Variants in MARCO observed in about 807,000 individuals in gnomAD.
The protein encoded by MARCO is macrophage receptor with collagenous structure.
MARCO carries 72 observed loss-of-function variants against 70.0 expected under a neutral mutation model. The ratio of observed to expected loss-of-function variants is 1.03; its 90% CI spans 0.85 to 1.25. The LOEUF (loss-of-function observed/expected upper bound fraction) is 1.25, where lower values mean the gene tolerates loss of function less well. MARCO is among the 50% of genes most tolerant of loss of function. The probability of loss-of-function intolerance (pLI) is 0.00; values close to 1 mark genes in which losing one functional copy is unlikely to be tolerated. For synonymous variants in MARCO, 273 were observed against 243.1 expected (o/e 1.12, Z -1.14); for missense variants, 696 against 659.3 (o/e 1.06, Z -0.61).
intron 8 of MARCO, among the ~76,000 whole-genome samples, chr2:118,980,442 T>G (rs994520442): frequency 2.0e-5 from 3 of 152,204 alleles, no homozygotes; most frequent in African/African-American, 7.2e-5. Flanking sequence ...GGCTCTCCCT[T>G]CTTCCTCACC....
rs139882762 is a variant in MARCO, at chr2:118,949,118, C to T, written c.97+6721C>T. Among the ~76,000 whole-genome samples, 293 of 152,220 alleles carry T rather than the reference C, an allele frequency of 1.9e-3. 1 individual carries two copies. The highest frequency in any genetic ancestry group is 6.8e-3 in the African/African-American group (281 of 41,544). On this transcript the variant is annotated intron_variant, in intron 1 of 16. Coordinates refer to ENST00000327097, the MANE Select transcript of MARCO (RefSeq NM_006770.4). ...GCTGGATGGCCCTCGCAGGCTGATCCGCAGGGTGTTGAACTTCAGGAAATA... is the reference window on the plus strand; with the variant it reads ...GCTGGATGGCCCTCGCAGGCTGATCTGCAGGGTGTTGAACTTCAGGAAATA...
chr2:118,989,249 T>C (rs1366409934), intron 12 of MARCO, among the ~76,000 whole-genome samples: 1 of 152,170 alleles, frequency 6.6e-6, no homozygotes, highest in African/African-American at 2.4e-5. Flanking sequence ...GAGGGACAGG[T>C]GTGTGCACAA....
chr2:118,993,284 G>A lies in MARCO; in HGVS notation c.1413G>A (p.Leu471=), dbSNP rs1680659246. 5 of 1,614,156 alleles carry A rather than the reference G, an allele frequency of 3.1e-6. No individual in the cohort carries two copies. Among genetic ancestry groups the A allele is most frequent in the Non-Finnish European group, 3.4e-6 (4 of 1,180,032 alleles). Residue 471 remains leucine, a synonymous_variant, in exon 16 of 17, where the codon CTG becomes CTA. Transcript: ENST00000327097. The part of the protein sequence containing the change: ...RMLGYSKGRA[L]YKVGAGTGQI... ...TGGGTTACTCCAAAGGAAGGGCCCTGTACAAAGTGGGAGCTGGTAAGTGAG... is the reference window on the plus strand; with the variant it reads ...TGGGTTACTCCAAAGGAAGGGCCCTATACAAAGTGGGAGCTGGTAAGTGAG...
chr2:118,989,806 C>T (rs1386808637), intron 12 of MARCO, among the ~76,000 whole-genome samples: 1 of 152,184 alleles, frequency 6.6e-6, no homozygotes, highest in Non-Finnish European at 1.5e-5. Flanking sequence ...TGCATTTTCC[C>T]AAGTTTGTGT....
intron 7 of MARCO, 64 bp from the exon 8 acceptor site, chr2:118,977,764 G>T: frequency 7.9e-7 from 1 of 1,268,392 alleles, no homozygotes; most frequent in Non-Finnish European, 1.1e-6. Flanking sequence ...CTGCCCCTTT[G>T]CCTCTGGTAG....
Position 118,994,473 on chromosome 2 carries a change from C to G in MARCO, c.1516C>G (p.His506Asp). 6.2e-7 allele frequency: 1 copy of G among 1,613,050 alleles called. No homozygotes were observed. The highest frequency in any genetic ancestry group is 8.5e-7 in the Non-Finnish European group (1 of 1,179,440). The stretch of plus-strand genomic sequence containing the variant: ...CTGCACCAAGAATAGCTGGGGCCAT[C>G]ATGACTGCAGCCACGAGGAGGACGC... ...WSCTKNSWGH[H>D]DCSHEEDAGV... Residue 506 changes from histidine to aspartate, a missense_variant, in exon 17 of 17, where the codon CAT becomes GAT. Physicochemically the swap from His to Asp is moderately conservative, Grantham distance 81. Around this residue, in one of 3 missense-constraint regions of MARCO, gnomAD observed 58 missense variants for 62.1 expected, o/e 0.93. Coordinates refer to ENST00000327097, the MANE Select transcript of MARCO (RefSeq NM_006770.4).
chr2:118,994,604 G>C lies in MARCO; in HGVS notation c.*84G>C. On this transcript the variant is annotated 3_prime_UTR_variant, in exon 17 of 17. Transcript: ENST00000327097. ...GCAGAGGATCTCTGAGGAGTTCCCT[G>C]GGGACAACTGAGCAGCCTCTGGAGA... 7.3e-7 allele frequency: 1 copy of C among 1,377,300 alleles called. No individual in the cohort carries two copies. Among genetic ancestry groups the C allele is most frequent in the Non-Finnish European group, 9.8e-7 (1 of 1,021,034 alleles). 85.3% of individuals were successfully genotyped at this position (1,377,300 alleles called of 1,614,324 possible). A position where few individuals can be genotyped will look rare whatever the true frequency, so the allele number is the denominator to read the frequency against.
intron 2 of MARCO, 27 bp from the exon 3 acceptor site, chr2:118,970,086 TA>T: frequency 6.3e-7 from 1 of 1,592,814 alleles, no homozygotes; most frequent in Non-Finnish European, 8.6e-7. Context: ...CCTCAGTCCC[TA>T]AAAGAATGCT....
intron 2 of MARCO, 37 bp downstream of exon 2, chr2:118,969,298 G>A: frequency 6.4e-7 from 1 of 1,565,276 alleles, no homozygotes; most frequent in Non-Finnish European, 8.8e-7. Context: ...CCCTCCTGGG[G>A]GGAGAGGGGT....
intron 1 of MARCO, among the ~76,000 whole-genome samples, chr2:118,958,577 C>T (rs1195405950): frequency 6.6e-6 from 1 of 152,118 alleles, no homozygotes; most frequent in Non-Finnish European, 1.5e-5. Flanking sequence ...AATAATCGTA[C>T]TGCCAAAAGC....
intron 8 of MARCO, among the ~76,000 whole-genome samples, 183 bp from the exon 9 acceptor site, chr2:118,981,226 G>T (rs549815487): frequency 3.9e-5 from 6 of 152,164 alleles, no homozygotes; most frequent in Admixed American, 3.9e-4. Flanking sequence ...TTTCTTTCTT[G>T]TCTCTGGGGC....
At chr2:118,966,540 A>G (rs769121536) in intron 1 of MARCO, among the ~76,000 whole-genome samples, 1 of 152,198 alleles carries the variant, frequency 6.6e-6, no homozygotes, top group Admixed American at 6.5e-5. Context: ...CTTTGCCTCT[A>G]TGCCAGGTGG....
rs539931593 is a variant in MARCO at position 118,953,218 on chromosome 2, G to C, written c.97+10821G>C. On this transcript the variant is annotated intron_variant, in intron 1 of 16. Transcript: ENST00000327097. ...AATAAGGAAGGGGCATAGGCTGTGA[G>C]CTGGAACGGGCCTGTGAGCACATTC... 1.6e-4 allele frequency among the ~76,000 whole-genome samples: 25 copies of C among 152,332 alleles called. No individual in the cohort carries two copies. In the South Asian group the frequency reaches 5.2e-3, roughly 32 times the overall value.
intron 12 of MARCO, 94 bp downstream of exon 12, chr2:118,982,504 C>T: frequency 8.2e-7 from 1 of 1,218,474 alleles, no homozygotes; most frequent in Non-Finnish European, 1.2e-6. Flanking sequence ...ACGGAGGAGG[C>T]AGAGGGTCTT....
At chr2:118,969,374 T>G in intron 2 of MARCO, 113 bp downstream of exon 2, 1 of 746,310 alleles carries the variant, frequency 1.3e-6, no homozygotes, top group Non-Finnish European at 2.3e-6. Context: ...ACTGCTCCCA[T>G]CTGCTGGGAG....
chr2:118,948,675 C>A (rs1017049598), intron 1 of MARCO, among the ~76,000 whole-genome samples: 2 of 152,152 alleles, frequency 1.3e-5, no homozygotes, highest in Non-Finnish European at 2.9e-5. Context: ...TAGTTTTCCT[C>A]TTCAAACTTG....
intron 1 of MARCO, among the ~76,000 whole-genome samples, chr2:118,967,447 T>C (rs1680074197): frequency 2.0e-5 from 3 of 152,054 alleles, no homozygotes; most frequent in African/African-American, 7.2e-5. Context: ...TTGGGAGCAG[T>C]GAGCCCCCAC....
At chr2:118,975,170 A>G (rs1163232273) in intron 6 of MARCO, among the ~76,000 whole-genome samples, 1 of 152,226 alleles carries the variant, frequency 6.6e-6, no homozygotes, top group Admixed American at 6.5e-5. Context: ...GCCCGGTCAG[A>G]GAATGGGGGG....
intron 1 of MARCO, among the ~76,000 whole-genome samples, chr2:118,955,024 C>T (rs1679807088): frequency 6.8e-6 from 1 of 147,976 alleles, no homozygotes; most frequent in Admixed American, 6.7e-5. Context: ...ACACCACACC[C>T]TCAACCCCCG....
Sources: allele counts gnomAD v4.1 joint callset (sites outside exome capture counted in the v4.1 genomes callset), GRCh38; gene constraint gnomAD v4.1.1; regional missense constraint gnomAD v4.1.1; transcripts MANE v1.5; gene names NCBI Gene and HGNC (gene_info 2026-07-23, HGNC 2026-07-21).